WLS: variants seen among roughly 807,000 people sequenced by gnomAD.
The protein encoded by WLS is protein wntless homolog.
A neutral mutation model predicts 62.8 loss-of-function variants in WLS; 23 were observed. That is an observed-to-expected ratio of 0.37 (90% CI 0.26 to 0.52). WLS has a LOEUF of 0.52. WLS is among the 20% of genes least tolerant of loss of function. WLS has a pLI of 0.92. For synonymous variants in WLS, 246 were observed against 244.1 expected, an observed-to-expected ratio of 1.01 and a Z score of -0.07; for missense variants, 615 against 697.3, an observed-to-expected ratio of 0.88 and a Z score of 1.33.
intron 3 of WLS, among the ~76,000 whole-genome samples, chr1:68,158,651 T>C (rs1646932544): frequency 6.6e-6 from 1 of 151,874 alleles, no homozygotes; most frequent in African/African-American, 2.4e-5. Flanking sequence ...GAATTTACAT[T>C]GGGCCACATT....
intron 2 of WLS, among the ~76,000 whole-genome samples, chr1:68,175,263 A>T (rs1396635035): frequency 6.6e-6 from 1 of 152,206 alleles, no homozygotes; most frequent in East Asian, 1.9e-4. Flanking sequence ...ATTTTCACCC[A>T]TGCAGATGCC....
At position 68,232,389 on chromosome 1, in the gene WLS, C is replaced by A; in HGVS notation, c.-90G>T. On this transcript the variant is annotated 5_prime_UTR_variant, in exon 1 of 12. Coordinates refer to ENST00000262348, the MANE Select transcript of WLS (RefSeq NM_024911.7). ...TCCTCTCACACACTCCCTCCTTCCT[C>A]GCCTCCTTTCTGGGCGCTGCAAAAC... 1 of 1,498,022 alleles carries A rather than the reference C, an allele frequency of 6.7e-7. No individual in the cohort carries two copies. The allele number at this position is 1,498,022 out of a possible 1,614,324, so 92.8% of individuals were successfully genotyped here.
rs1648517876 is a variant in WLS at position 68,194,041 on chromosome 1, A to G, written c.293T>C (p.Leu98Pro). 4 of 1,614,060 alleles carry G rather than the reference A, an allele frequency of 2.5e-6. No individual in the cohort carries two copies. The highest frequency in any genetic ancestry group is 3.4e-6 in the Non-Finnish European group (4 of 1,180,006). ...CCAAGGACTCATCTCCATGTGGGGG[A>G]GGGGAATGTGAACAGAAAACACGAT... ...NDIVFSVHIPLPHMEMSPWFQ... is the reference protein window; with the variant it reads ...NDIVFSVHIPPPHMEMSPWFQ... The change falls in exon 2 of 12, where the codon CTC (leucine) becomes CCC (proline). Residue 98 changes from leucine (L) to proline (P), a missense_variant. Leu to Pro is a moderately conservative substitution (Grantham distance 98). Coordinates refer to ENST00000262348, the MANE Select transcript of WLS (RefSeq NM_024911.7).
intron 11 of WLS, among the ~76,000 whole-genome samples, chr1:68,120,058 CT>C (rs1646345007): frequency 6.6e-6 from 1 of 152,228 alleles, no homozygotes; most frequent in Non-Finnish European, 1.5e-5. Context: ...TAAACCACCC[CT>C]GTGATGCCAG....
At chr1:68,214,250 C>T (rs1467164427) in intron 1 of WLS, among the ~76,000 whole-genome samples, 1 of 152,048 alleles carries the variant, frequency 6.6e-6, no homozygotes, top group Non-Finnish European at 1.5e-5. Flanking sequence ...AGCTGCCTAA[C>T]AGAGGTTGGT....
At position 68,197,501 on chromosome 1, in the gene WLS, C is replaced by T. The variant is rs544894001; in HGVS notation, c.107-3274G>A. ...AACCTGAAGATAATTCAACATTTTCCGTTTTTCTAATAGTGTTCAAAAGAG... is the reference window on the plus strand; with the variant it reads ...AACCTGAAGATAATTCAACATTTTCTGTTTTTCTAATAGTGTTCAAAAGAG... On this transcript the variant is annotated intron_variant, in intron 1 of 11. Coordinates refer to ENST00000262348, the MANE Select transcript of WLS (RefSeq NM_024911.7). Among the ~76,000 whole-genome samples the T allele has an allele frequency of 5.3e-5, 8 of 152,192 alleles. No individual in the cohort carries two copies. The East Asian group carries it at 5.8e-4, about 11-fold the overall frequency.
intron 11 of WLS, among the ~76,000 whole-genome samples, chr1:68,120,038 A>T (rs1384866575): frequency 3.1e-5 from 4 of 128,150 alleles, no homozygotes; most frequent in Admixed American, 1.6e-4. Context: ...CAGATGATAA[A>T]TGAAATTAAT....
rs747493109 is a variant in WLS, at chr1:68,212,020, C to T, written c.107-17793G>A. ...CTGATTACAAAGGAGGCATGATTAA[C>T]GAAGTACCCTTTGTATCCGAGCTCC... is the stretch of plus-strand genomic sequence containing the variant. On this transcript the variant is annotated intron_variant, in intron 1 of 11. Coordinates refer to ENST00000262348, the MANE Select transcript of WLS (RefSeq NM_024911.7). Among the ~76,000 whole-genome samples, 39 of 152,296 alleles carry T rather than the reference C, an allele frequency of 2.6e-4. 1 individual carries two copies. Among genetic ancestry groups the T allele is most frequent in the Admixed American group, 2.4e-3 (36 of 15,302 alleles).
chr1:68,170,422 A>T (rs1647135150), intron 2 of WLS, among the ~76,000 whole-genome samples: 3 of 151,376 alleles, frequency 2.0e-5, no homozygotes, highest in South Asian at 2.1e-4. Context: ...CCCGCCTCGG[A>T]CTCCCAAAGT....
intron 11 of WLS, chr1:68,117,844 T>G (rs1646312616): frequency 6.6e-6 from 1 of 152,170 alleles, no homozygotes; most frequent in Non-Finnish European, 1.5e-5. Context: ...CCCAATGACA[T>G]GATCTCCCCA....
At chr1:68,204,102 A>G (rs1649170484) in intron 1 of WLS, among the ~76,000 whole-genome samples, 1 of 152,178 alleles carries the variant, frequency 6.6e-6, no homozygotes, top group African/African-American at 2.4e-5. Context: ...AAAATTTAGT[A>G]TTGTACATTG....
At chr1:68,155,582 T>G (rs754008253) in intron 3 of WLS, among the ~76,000 whole-genome samples, 2 of 152,206 alleles carry the variant, frequency 1.3e-5, no homozygotes, top group African/African-American at 4.8e-5. Flanking sequence ...CCTCGCATCT[T>G]ACGAATCTTG....
intron 1 of WLS, among the ~76,000 whole-genome samples, chr1:68,224,171 C>T (rs555266244): frequency 5.1e-4 from 77 of 152,246 alleles, no homozygotes; most frequent in African/African-American, 1.8e-3. Flanking sequence ...AAAGAATACC[C>T]CTTGGCCACA....
intron 1 of WLS, among the ~76,000 whole-genome samples, chr1:68,213,193 G>A (rs886257539): frequency 2.6e-5 from 4 of 152,140 alleles, no homozygotes; most frequent in Admixed American, 6.5e-5. Flanking sequence ...GCTCATGTCT[G>A]TAATCCCAGC....
chr1:68,138,939 C>T (rs1333108021), intron 10 of WLS, among the ~76,000 whole-genome samples: 1 of 152,192 alleles, frequency 6.6e-6, no homozygotes, highest in Non-Finnish European at 1.5e-5. Flanking sequence ...CTTTAACAAG[C>T]AGGTGGATTT....
At chr1:68,143,139 A>T (rs1570881219) in intron 10 of WLS, among the ~76,000 whole-genome samples, 1 of 152,194 alleles carries the variant, frequency 6.6e-6, no homozygotes, top group South Asian at 2.1e-4. Context: ...CCATTCTAAG[A>T]GGAGACTCGT....
At chr1:68,169,236 C>T (rs762408971) in intron 2 of WLS, among the ~76,000 whole-genome samples, 1 of 152,204 alleles carries the variant, frequency 6.6e-6, no homozygotes, top group Non-Finnish European at 1.5e-5. Context: ...GAGAACGGTG[C>T]TCACATTAGG....
At chr1:68,207,391 A>G (rs972907538) in intron 1 of WLS, among the ~76,000 whole-genome samples, 2 of 152,238 alleles carry the variant, frequency 1.3e-5, no homozygotes, top group Non-Finnish European at 2.9e-5. Context: ...TTCAGAAGAA[A>G]TGAAAGTCAT....
At chr1:68,161,469 G>GA (rs1646972003) in intron 2 of WLS, among the ~76,000 whole-genome samples, 1 of 152,122 alleles carries the variant, frequency 6.6e-6, no homozygotes, top group Admixed American at 6.5e-5. Flanking sequence ...ACTGATAAAG[G>GA]AAAAAGCTCT....
Sources: allele counts gnomAD v4.1 joint callset (sites outside exome capture counted in the v4.1 genomes callset), GRCh38; gene constraint gnomAD v4.1.1; transcripts MANE v1.5; gene names NCBI Gene and HGNC (gene_info 2026-07-23, HGNC 2026-07-21).